The following ZSCAN20 variants were observed in gnomAD, a reference collection of about 807,000 sequenced individuals.
The protein encoded by ZSCAN20 is zinc finger and SCAN domain-containing protein 20.
A neutral mutation model predicts 97.1 loss-of-function variants in ZSCAN20; 39 were observed. That is an observed-to-expected ratio of 0.40 (90% confidence interval 0.31 to 0.52). The LOEUF (loss-of-function observed/expected upper bound fraction) is 0.52. Among genes scored for constraint, ZSCAN20 ranks in the 20% least tolerant of loss-of-function variants. The probability of loss-of-function intolerance (pLI) is 0.49; values close to 1 mark genes in which losing one functional copy is unlikely to be tolerated. For synonymous variants in ZSCAN20, 456 were observed against 467.3 expected, an observed-to-expected ratio of 0.98 and a Z score of 0.31; for missense variants, 1,115 against 1,290.4, an observed-to-expected ratio of 0.86 and a Z score of 2.08.
intron 1 of ZSCAN20, among the ~76,000 whole-genome samples, chr1:33,474,378 A>T (rs1473308060): frequency 6.6e-6 from 1 of 152,210 alleles, no homozygotes; most frequent in African/African-American, 2.4e-5. Flanking sequence ...TGGAGGTCAC[A>T]GACCAGTCTT....
At position 33,500,846 on chromosome 1, in the gene ZSCAN20, CAG is replaced by C. The variant is rs1261464563; in HGVS notation, c.*5373_*5374del. 2.0e-5 allele frequency among the ~76,000 whole-genome samples: 3 copies of C among 151,884 alleles called. No individual in the cohort carries two copies. Among genetic ancestry groups the C allele is most frequent in the Non-Finnish European group, 2.9e-5 (2 of 67,992 alleles). On this transcript the variant is annotated 3_prime_UTR_variant, in exon 8 of 8. Transcript: ENST00000684572. Reference sequence around the variant, plus strand: ...GAGAGGAGCCACAGGCCCAGGCTGGCAGAGTTGTGACTACTAGAATCTCGAGT... The same window carrying C: ...GAGAGGAGCCACAGGCCCAGGCTGGCAGTTGTGACTACTAGAATCTCGAGT...
rs1321025864 is a variant in ZSCAN20 at position 33,498,772 on chromosome 1, C to G, written c.*3296C>G. Among the ~76,000 whole-genome samples, 1 of 152,124 alleles carries G rather than the reference C, an allele frequency of 6.6e-6. No homozygotes were observed. The highest frequency in any genetic ancestry group is 2.4e-5 in the African/African-American group (1 of 41,418). ...GATCGTCTCCCCAGATGGCTGCCTC[C>G]CCTTGATTTCTTCACCCTCCACCTC... On this transcript the variant is annotated 3_prime_UTR_variant, in exon 8 of 8. Transcript: ENST00000684572.
chr1:33,479,814 G>C (rs894040839), intron 2 of ZSCAN20, 109 bp downstream of exon 2: 28 of 1,190,238 alleles, frequency 2.4e-5, no homozygotes, highest in Non-Finnish European at 1.5e-5. Context: ...TAGTTATTGA[G>C]AACTGACACT....
Position 33,495,062 on chromosome 1 carries a change from C to T in ZSCAN20, c.2718C>T (p.Ala906=), listed in dbSNP as rs200292603. 2.1e-4 allele frequency: 342 copies of T among 1,611,808 alleles called. No homozygotes were observed. The African/African-American group carries it at 3.2e-3, about 15-fold the overall frequency. Reference sequence around the variant, plus strand: ...CGGGAGAGAAACCATATGAATGTGCCGAATGTGGGAAAAGCTTCAGTAAGA... The same window carrying T: ...CGGGAGAGAAACCATATGAATGTGCTGAATGTGGGAAAAGCTTCAGTAAGA... ...IHTGEKPYEC[A]ECGKSFSKSS... The change falls in exon 8 of 8, where the codon GCC becomes GCT. Residue 906 remains alanine, a synonymous_variant. Transcript: ENST00000684572.
At chr1:33,490,231 T>C (rs1034514622) in intron 5 of ZSCAN20, among the ~76,000 whole-genome samples, 3 of 152,186 alleles carry the variant, frequency 2.0e-5, no homozygotes, top group African/African-American at 7.2e-5. Flanking sequence ...GAACCCCTTT[T>C]TACACATGAT....
intron 2 of ZSCAN20, among the ~76,000 whole-genome samples, chr1:33,485,272 C>T (rs1652315275): frequency 6.6e-6 from 1 of 152,154 alleles, no homozygotes; most frequent in African/African-American, 2.4e-5. Flanking sequence ...TCTAGGTTGT[C>T]AAGTGTGTGG....
chr1:33,478,250 G>C (rs1015201224), intron 1 of ZSCAN20, among the ~76,000 whole-genome samples: 4 of 152,122 alleles, frequency 2.6e-5, no homozygotes, highest in African/African-American at 9.7e-5. Context: ...GCAGGGACGT[G>C]TTAGGAGACT....
Position 33,488,599 on chromosome 1 carries a change from C to G in ZSCAN20, c.552C>G (p.Asp184Glu). Residue 184 changes from aspartate (D) to glutamate (E), a missense_variant, in exon 3 of 8, where the codon GAC becomes GAG. Physicochemically the swap from Asp to Glu is conservative, Grantham distance 45. Coordinates refer to ENST00000684572, the MANE Select transcript of ZSCAN20 (RefSeq NM_001377376.1). ...AGGGGGTGAAGAATACATGCCCTGA[C>G]CTTCCCAATCACCTAAATGCCGAGG... ...QKKGVKNTCP[D>E]LPNHLNAEVA... is the part of the protein sequence containing the mutation. The G allele has an allele frequency of 6.2e-7, 1 of 1,613,506 alleles. No individual in the cohort carries two copies. The highest frequency in any genetic ancestry group is 8.5e-7 in the Non-Finnish European group (1 of 1,179,824).
intron 2 of ZSCAN20, among the ~76,000 whole-genome samples, chr1:33,487,869 C>G (rs1652431855): frequency 6.6e-6 from 1 of 152,084 alleles, no homozygotes; most frequent in Admixed American, 6.5e-5. Context: ...CCAGGCTGGT[C>G]TTGAACCCTT....
Position 33,494,235 on chromosome 1 carries a change from G to A in ZSCAN20, c.1891G>A (p.Glu631Lys). Residue 631 changes from glutamate (E) to lysine (K), a missense_variant, in exon 8 of 8, where the codon GAG (glutamate) becomes AAG (lysine). Physicochemically the swap from Glu to Lys is moderately conservative, Grantham distance 56. Transcript: ENST00000684572. Reference sequence around the variant, plus strand: ...TTTTTCAGGTTTTGAAATGAGGCATGAGGATGAAGACCAGATTTCAGAGCA... The same window carrying A: ...TTTTTCAGGTTTTGAAATGAGGCATAAGGATGAAGACCAGATTTCAGAGCA... Reference protein sequence around the residue: ...APDMGFEMRHEDEDQISEQDI... With the variant: ...APDMGFEMRHKDEDQISEQDI... 6.4e-7 allele frequency: 1 copy of A among 1,574,626 alleles called. No individual in the cohort carries two copies. The highest frequency in any genetic ancestry group is 1.4e-5 in the African/African-American group (1 of 73,156).
At chr1:33,474,883 A>G (rs1419492008) in intron 1 of ZSCAN20, among the ~76,000 whole-genome samples, 1 of 152,116 alleles carries the variant, frequency 6.6e-6, no homozygotes, top group Non-Finnish European at 1.5e-5. Context: ...ACCCATTTAA[A>G]CTTGTAGCCA....
intron 2 of ZSCAN20, among the ~76,000 whole-genome samples, chr1:33,485,244 A>G (rs567147878): frequency 9.9e-5 from 15 of 152,250 alleles, no homozygotes; most frequent in Admixed American, 9.8e-4. Context: ...GGGTGGGTAA[A>G]GGAATTGGTC....
Position 33,495,808 on chromosome 1 carries a change from A to C in ZSCAN20, c.*332A>C, listed in dbSNP as rs4233205. 0.15 allele frequency: 27,115 copies of C among 178,112 alleles called. 2,666 individuals are homozygous for C. Among genetic ancestry groups the C allele is most frequent in the East Asian group, 0.38 (2,690 of 7,010 alleles). 11.0% of individuals were successfully genotyped at this position (178,112 alleles called of 1,614,324 possible). A position where few individuals can be genotyped will look rare whatever the true frequency, so the allele number is the denominator to read the frequency against. On this transcript the variant is annotated 3_prime_UTR_variant, in exon 8 of 8. Coordinates refer to ENST00000684572, the MANE Select transcript of ZSCAN20 (RefSeq NM_001377376.1). The stretch of plus-strand genomic sequence containing the variant: ...ATCAGTGGTCCTGAGCAGTGATTCC[A>C]AACTCTCACTGTGCCTTCACACCAT...
intron 2 of ZSCAN20, among the ~76,000 whole-genome samples, chr1:33,481,829 C>T (rs1471242604): frequency 6.6e-6 from 1 of 152,162 alleles, no homozygotes; most frequent in African/African-American, 2.4e-5. Flanking sequence ...GAATCCCCCT[C>T]TCTGTCAGAT....
Position 33,495,373 on chromosome 1 carries a change from CA to C in ZSCAN20, c.3030del (p.Glu1012ArgfsTer51). 1 of 1,613,052 alleles carries C rather than the reference CA, an allele frequency of 6.2e-7. No individual in the cohort carries two copies. Among genetic ancestry groups the C allele is most frequent in the Non-Finnish European group, 8.5e-7 (1 of 1,179,360 alleles). On this transcript the variant is annotated frameshift_variant, in exon 8 of 8. Coordinates refer to ENST00000684572, the MANE Select transcript of ZSCAN20 (RefSeq NM_001377376.1). LOFTEE classifies it high-confidence loss of function. ...SSLIIHQRIH[T>X]GEKPYKCTEC... ...CTTATTATTCACCAGAGAATCCACA[CA>C]GGGGAGAAACCCTACAAGTGCACAG...
At chr1:33,480,949 C>T (rs1424979448) in intron 2 of ZSCAN20, among the ~76,000 whole-genome samples, 1 of 152,128 alleles carries the variant, frequency 6.6e-6, no homozygotes, top group African/African-American at 2.4e-5. Context: ...TTTACTTACC[C>T]CCATTTTGCT....
chr1:33,476,301 C>CTTCCTTAGAAAGTTACGGTTATGG (rs1651937652), intron 1 of ZSCAN20, among the ~76,000 whole-genome samples: 3 of 152,222 alleles, frequency 2.0e-5, no homozygotes, highest in Admixed American at 6.5e-5. Flanking sequence ...TTCGGTCTAA[C>CTTCCTTAGAAAGTTACGGTTATGG]TTCCTTAGAA....
rs191948148 is a variant in ZSCAN20, at chr1:33,487,341, G to A, written c.418-1124G>A. 1.9e-3 allele frequency among the ~76,000 whole-genome samples: 286 copies of A among 152,252 alleles called. 1 individual carries two copies. The highest frequency in any genetic ancestry group is 6.5e-3 in the African/African-American group (268 of 41,550). Reference sequence around the variant, plus strand: ...AGTATTGAGATTGTTATATTTTGGAGGTTTTATAGCCTGGGTAACACCTTG... The same window carrying A: ...AGTATTGAGATTGTTATATTTTGGAAGTTTTATAGCCTGGGTAACACCTTG... On this transcript the variant is annotated intron_variant, in intron 2 of 7. Coordinates refer to ENST00000684572, the MANE Select transcript of ZSCAN20 (RefSeq NM_001377376.1).
chr1:33,487,213 A>G (rs1652403994), intron 2 of ZSCAN20, among the ~76,000 whole-genome samples: 2 of 152,230 alleles, frequency 1.3e-5, no homozygotes, highest in Admixed American at 1.3e-4. Flanking sequence ...GGGCATTTTC[A>G]CTGAATATAC....
Sources: gnomAD v4.1 joint callset for allele counts (sites outside exome capture counted in the v4.1 genomes callset) on GRCh38, gnomAD v4.1.1 for gene constraint, MANE v1.5 for transcripts, NCBI Gene and HGNC (gene_info 2026-07-23, HGNC 2026-07-21) for gene names.